POM121: variants seen among roughly 807,000 people sequenced by gnomAD.
The protein encoded by POM121 is nuclear envelope pore membrane protein POM 121.
POM121 carries 32 observed loss-of-function variants against 81.3 expected under a neutral mutation model. The ratio of observed to expected loss-of-function variants is 0.39; its 90% confidence interval spans 0.30 to 0.53. The LOEUF is 0.53. Among genes scored for constraint, POM121 ranks in the 20% least tolerant of loss-of-function variants. POM121 has a pLI of 0.66. For synonymous variants in POM121, 514 were observed against 694.2 expected (o/e 0.74, Z 4.08); for missense variants, 1,138 against 1,614.6 (o/e 0.70, Z 5.06).
At chr7:72,923,589 ATTTTTTTTTTTTT>A (rs1187827150), upstream of POM121, among the ~76,000 whole-genome samples, 5 of 88,766 alleles carry the variant, frequency 5.6e-5, no homozygotes, top group South Asian at 7.2e-4. Flanking sequence ...CGCCCGGCTA[ATTTTTTTTTTTTT>A]TTTTTTTTTT....
chr7:72,939,259 T>C, intron 6 of POM121, 77 bp from the exon 7 acceptor site: 1 of 1,557,004 alleles, frequency 6.4e-7, no homozygotes, highest in South Asian at 1.2e-5. Context: ...ACTTGGTAGT[T>C]AGGAGGGTGT....
At chr7:72,904,562 A>T (rs1266200708) in intron 3 of POM121, among the ~76,000 whole-genome samples, 1 of 152,192 alleles carries the variant, frequency 6.6e-6, no homozygotes, top group Non-Finnish European at 1.5e-5. Context: ...TCAATACCAG[A>T]AACCACGCTG....
At chr7:72,909,556 C>T (rs1442295488) in intron 3 of POM121, among the ~76,000 whole-genome samples, 4 of 152,224 alleles carry the variant, frequency 2.6e-5, no homozygotes, top group African/African-American at 9.6e-5. Flanking sequence ...CTGTGGCCAG[C>T]AGGGCTCTGG....
Position 72,925,155 on chromosome 7 carries a change from G to A in POM121, c.34G>A (p.Glu12Lys). 4.7e-6 allele frequency: 7 copies of A among 1,478,060 alleles called. No homozygotes were observed. The highest frequency in any genetic ancestry group is 6.2e-6 in the Non-Finnish European group (7 of 1,124,346). The allele number at this position is 1,478,060 out of a possible 1,614,324, so 91.6% of individuals were successfully genotyped here. Residue 12 changes from glutamate (E) to lysine (K), a missense_variant, in exon 1 of 13, where the codon GAG (glutamate) becomes AAG (lysine). This residue lies in a region of POM121 where 646 missense variants were observed against 633.5 expected (regional missense o/e 1.02). Coordinates refer to ENST00000434423, the MANE Select transcript of POM121 (RefSeq NM_001387691.1). ...GGCGGCTGCGGCGGCTGGAGCAGGC[G>A]AGCGGCGGCGGCCCATAGCGAGTGT... ...SPAAAAAGAG[E>K]RRRPIASVRD...
At chr7:72,939,295 A>G (rs1269910398) in intron 6 of POM121, 41 bp from the exon 7 acceptor site, 11 of 1,608,836 alleles carry the variant, frequency 6.8e-6, no homozygotes, top group Admixed American at 6.8e-5. Flanking sequence ...ACTTCAGCCA[A>G]GAAGCCTTTC....
At chr7:72,917,494 A>T (rs1373119743) in intron 4 of POM121, among the ~76,000 whole-genome samples, 2 of 152,072 alleles carry the variant, frequency 1.3e-5, no homozygotes, top group Non-Finnish European at 2.9e-5. Context: ...TTCCCAGAGG[A>T]ATTCTCCCCA....
At chr7:72,880,324 C>G (rs528575876) in intron 1 of POM121, among the ~76,000 whole-genome samples, 108 of 152,300 alleles carry the variant, frequency 7.1e-4, no homozygotes, top group Non-Finnish European at 1.3e-3. Flanking sequence ...GGGGAAGAGA[C>G]TGGGCCTTAG....
In POM121 at chr7:72,943,323, C is replaced by G; in HGVS notation, c.3330C>G (p.Ser1110Arg). 6.2e-7 allele frequency: 1 copy of G among 1,607,642 alleles called. No individual in the cohort carries two copies. Among genetic ancestry groups the G allele is most frequent in the Non-Finnish European group, 8.5e-7 (1 of 1,177,392 alleles). Residue 1110 changes from serine (S) to arginine (R), a missense_variant, in exon 11 of 13, where the codon AGC (serine) becomes AGG (arginine). Around this residue, in one of 7 missense-constraint regions of POM121, gnomAD observed 336 missense variants for 344.3 expected, o/e 0.98. Coordinates refer to ENST00000434423, the MANE Select transcript of POM121 (RefSeq NM_001387691.1). Reference protein sequence around the residue: ...GGSAAPAGSGSFGINVATPGS... With the variant: ...GGSAAPAGSGRFGINVATPGS... The stretch of plus-strand genomic sequence containing the variant: ...CGGCAGCCCCCGCTGGCAGTGGGAG[C>G]TTTGGGATCAATGTGGCCACCCCAG...
intron 1 of POM121, among the ~76,000 whole-genome samples, chr7:72,883,269 C>T (rs554457142): frequency 6.6e-6 from 1 of 152,322 alleles, no homozygotes; most frequent in South Asian, 2.1e-4. Context: ...CTCCTGAGCT[C>T]AGGCAGTCTG....
In POM121 at chr7:72,944,392, G is replaced by T. The variant is rs1741265083; in HGVS notation, c.3529+870G>T. Among the ~76,000 whole-genome samples the T allele has an allele frequency of 2.0e-5, 3 of 152,072 alleles. No homozygotes were observed. In the South Asian group the frequency reaches 6.2e-4, roughly 31 times the overall value. On this transcript the variant is annotated intron_variant, in intron 11 of 12. Coordinates refer to ENST00000434423, the MANE Select transcript of POM121 (RefSeq NM_001387691.1). ...AAGTAGAGAAAATCTGGGAGAGAGAGGGTCAGGATAAAGTGTATAAAAAAA... is the reference window on the plus strand; with the variant it reads ...AAGTAGAGAAAATCTGGGAGAGAGATGGTCAGGATAAAGTGTATAAAAAAA...
intron 3 of POM121, among the ~76,000 whole-genome samples, chr7:72,904,560 A>G (rs1793047570): frequency 6.6e-6 from 1 of 152,206 alleles, no homozygotes; most frequent in South Asian, 2.1e-4. Flanking sequence ...CTTCAATACC[A>G]GAAACCACGC....
At chr7:72,927,196 T>G (rs1586152456) in intron 3 of POM121, among the ~76,000 whole-genome samples, 1 of 152,244 alleles carries the variant, frequency 6.6e-6, no homozygotes, top group East Asian at 1.9e-4. Context: ...AGAGATAAGC[T>G]GACTGCTATT....
chr7:72,920,542 G>A (rs2129577144), upstream of POM121, among the ~76,000 whole-genome samples: 2 of 151,990 alleles, frequency 1.3e-5, 1 homozygote, highest in South Asian at 4.2e-4. Context: ...TTTTAGTAGA[G>A]ACGGGGTTTC....
rs547998125 is a variant in POM121 at position 72,884,382 on chromosome 7, T to C, written c.-521+4497T>C. Among the ~76,000 whole-genome samples the C allele has an allele frequency of 2.6e-5, 4 of 152,000 alleles. No individual in the cohort carries two copies. In the South Asian group the frequency reaches 8.3e-4, roughly 31 times the overall value. ...CAGTACATAGAAGTTGTGATTCTTTTTGAAAATTAAGTGGTTCCATCTTTG... is the reference window on the plus strand; with the variant it reads ...CAGTACATAGAAGTTGTGATTCTTTCTGAAAATTAAGTGGTTCCATCTTTG... On this transcript the variant is annotated intron_variant, in intron 1 of 15. Coordinates refer to the POM121 transcript ENST00000395270.
chr7:72,948,634 C>G (rs572436162), downstream of POM121: 166 of 1,603,056 alleles, frequency 1.0e-4, 2 homozygotes, highest in East Asian at 3.7e-3. Flanking sequence ...CCAGTACCAT[C>G]CTGCGCCTCC....
At chr7:72,922,394 C>CT, upstream of POM121, among the ~76,000 whole-genome samples, 1 of 151,882 alleles carries the variant, frequency 6.6e-6, no homozygotes, top group South Asian at 2.1e-4. Context: ...GAAGTATTAA[C>CT]TTTTTTTGGG....
In POM121 at chr7:72,925,755, C is replaced by G. The variant is rs1332332193; in HGVS notation, c.634C>G (p.Pro212Ala). ...PTPLLRPSRR[P>A]SPRDCGTLPN... ...TCCTCTTCTCCGACCCTCCAGGAGG[C>G]CTTCCCCACGGTAAGATGCGCTGAT... The change falls in exon 1 of 13, where the codon CCT becomes GCT. Residue 212 changes from proline (P) to alanine (A), a missense_variant. Transcript: ENST00000434423. 5 of 1,278,314 alleles carry G rather than the reference C, an allele frequency of 3.9e-6. No individual in the cohort carries two copies. The African/African-American group carries it at 8.0e-5, about 20-fold the overall frequency. 79.2% of individuals were successfully genotyped at this position (1,278,314 alleles called of 1,614,324 possible). A position where few individuals can be genotyped will look rare whatever the true frequency, so the allele number is the denominator to read the frequency against.
rs1346556798 is a variant in POM121 at position 72,890,657 on chromosome 7, G to T, written c.-490G>T. 31 of 1,601,498 alleles carry T rather than the reference G, an allele frequency of 1.9e-5. No individual in the cohort carries two copies. The African/African-American group carries it at 2.8e-4, about 15-fold the overall frequency. On this transcript the variant is annotated 5_prime_UTR_variant, in exon 2 of 16. Transcript: ENST00000395270. ...AGTGTCATTCAAAGATGTGGCTGTG[G>T]ATTTCACCCAGGAGGAGTGGTGGCA...
intron 4 of POM121, among the ~76,000 whole-genome samples, chr7:72,914,721 AGGT>A (rs1563146911): frequency 6.6e-6 from 1 of 152,114 alleles, no homozygotes; most frequent in Non-Finnish European, 1.5e-5. Context: ...TGCACAAAGC[AGGT>A]GGTGGTAGGT....
Sources: allele counts gnomAD v4.1 joint callset (sites outside exome capture counted in the v4.1 genomes callset), GRCh38; gene constraint gnomAD v4.1.1; regional missense constraint gnomAD v4.1.1; transcripts MANE v1.5; gene names NCBI Gene and HGNC (gene_info 2026-07-23, HGNC 2026-07-21).